The following ACOXL variants were observed in gnomAD, a reference collection of about 807,000 sequenced individuals.
The protein encoded by ACOXL is acyl-CoA oxidase like, also known as acyl-coenzyme A oxidase-like protein.
Under a neutral mutation model 71.9 loss-of-function variants are expected in ACOXL, and 70 were observed. That is an observed-to-expected ratio of 0.97 (90% confidence interval 0.80 to 1.19). The LOEUF (loss-of-function observed/expected upper bound fraction) is 1.19, where lower values mean the gene tolerates loss of function less well. Ranked by LOEUF, ACOXL falls within the 50% of genes most tolerant of loss-of-function variation. The pLI is 0.00. For synonymous variants in ACOXL, 253 were observed against 281.6 expected (o/e 0.90, Z 1.02); for missense variants, 703 against 736.3 (o/e 0.95, Z 0.52).
At chr2:110,821,004 C>T (rs17041555) in intron 9 of ACOXL, among the ~76,000 whole-genome samples, 8,468 of 152,236 alleles carry the variant, frequency 0.056, 388 homozygotes, top group African/African-American at 0.12. Context: ...GATTCACCTT[C>T]GGATCTCCTG....
intron 10 of ACOXL, among the ~76,000 whole-genome samples, chr2:110,843,098 T>C (rs1484863144): frequency 6.6e-6 from 1 of 152,184 alleles, no homozygotes; most frequent in African/African-American, 2.4e-5. Context: ...AAGTGCTCTC[T>C]CCAGAACTTG....
intron 10 of ACOXL, among the ~76,000 whole-genome samples, chr2:110,851,390 G>A (rs948659684): frequency 5.3e-5 from 8 of 152,114 alleles, no homozygotes; most frequent in African/African-American, 1.4e-4. Flanking sequence ...TGGTTTGAGG[G>A]GGTTCTTTAT....
At chr2:111,060,446 C>A (rs2066758324) in intron 16 of ACOXL, among the ~76,000 whole-genome samples, 1 of 152,108 alleles carries the variant, frequency 6.6e-6, no homozygotes, top group Non-Finnish European at 1.5e-5. Context: ...AGCACCCCAC[C>A]CCAGCAGCAA....
chr2:110,969,735 T>C (rs897224759), intron 12 of ACOXL, among the ~76,000 whole-genome samples: 3 of 151,158 alleles, frequency 2.0e-5, no homozygotes, highest in African/African-American at 4.9e-5. Context: ...CACTTGAGCT[T>C]GGGGTGCAGA....
intron 16 of ACOXL, among the ~76,000 whole-genome samples, chr2:111,072,020 G>A (rs1408847001): frequency 6.6e-6 from 1 of 152,190 alleles, no homozygotes; most frequent in Non-Finnish European, 1.5e-5. Context: ...GGGAACTCAG[G>A]AAGGGAAGGA....
At chr2:110,890,221 T>C (rs1297987414) in intron 10 of ACOXL, among the ~76,000 whole-genome samples, 3 of 152,216 alleles carry the variant, frequency 2.0e-5, no homozygotes, top group Admixed American at 1.3e-4. Context: ...TGATGAGAGA[T>C]ATGATTTGCA....
intron 9 of ACOXL, among the ~76,000 whole-genome samples, chr2:110,825,521 A>T (rs1468482724): frequency 2.0e-5 from 3 of 152,084 alleles, no homozygotes; most frequent in African/African-American, 4.8e-5. Context: ...CCAGAAGTGG[A>T]CGTCCTCCGG....
chr2:110,794,226 G>T (rs1338118547), intron 5 of ACOXL, 52 bp downstream of exon 5: 1 of 1,531,714 alleles, frequency 6.5e-7, no homozygotes, highest in Admixed American at 1.7e-5. Context: ...AACCTGGACA[G>T]AAACAGATCT....
rs370937914 is a variant in ACOXL at position 111,041,865 on chromosome 2, G to T, written c.1370-7353G>T. On this transcript the variant is annotated intron_variant, in intron 15 of 17. Transcript: ENST00000439055. ...GGAAAGCAGGTGACCACTGTGCTCTGTCTCCCGACTTTGTGCCTGAGCCAA... is the reference window on the plus strand; with the variant it reads ...GGAAAGCAGGTGACCACTGTGCTCTTTCTCCCGACTTTGTGCCTGAGCCAA... Among the ~76,000 whole-genome samples the T allele has an allele frequency of 1.2e-4, 18 of 152,334 alleles. 2 individuals are homozygous for T. The highest frequency in any genetic ancestry group is 2.0e-4 in the Admixed American group (3 of 15,308).
chr2:110,775,368 G>A (rs1682509000), intron 2 of ACOXL, among the ~76,000 whole-genome samples: 1 of 152,102 alleles, frequency 6.6e-6, no homozygotes, highest in Admixed American at 6.5e-5. Flanking sequence ...AAGCATTTAA[G>A]TAAAAATTTA....
chr2:110,852,903 G>A (rs1692789786), intron 10 of ACOXL, among the ~76,000 whole-genome samples: 2 of 152,182 alleles, frequency 1.3e-5, no homozygotes, highest in South Asian at 4.1e-4. Flanking sequence ...TGTTGTATAA[G>A]GCAATCTCCA....
chr2:110,802,539 A>G (rs1559282482), intron 8 of ACOXL, among the ~76,000 whole-genome samples: 1 of 152,194 alleles, frequency 6.6e-6, no homozygotes, highest in Non-Finnish European at 1.5e-5. Context: ...AGATAAATGT[A>G]GTGGATGCCA....
At chr2:110,838,240 A>G (rs1309943723) in intron 9 of ACOXL, among the ~76,000 whole-genome samples, 1 of 152,148 alleles carries the variant, frequency 6.6e-6, no homozygotes, top group Non-Finnish European at 1.5e-5. Flanking sequence ...GTGCGTGTGC[A>G]TGTCTGAATG....
At chr2:111,069,683 G>C (rs1212206984) in intron 16 of ACOXL, among the ~76,000 whole-genome samples, 1 of 152,108 alleles carries the variant, frequency 6.6e-6, no homozygotes, top group Non-Finnish European at 1.5e-5. Flanking sequence ...GGGGGTGACA[G>C]TAAGTTGAGT....
At chr2:111,025,998 T>C (rs2149725584) in intron 14 of ACOXL, among the ~76,000 whole-genome samples, 1 of 152,334 alleles carries the variant, frequency 6.6e-6, no homozygotes, top group East Asian at 1.9e-4. Context: ...ATTGTTTTAG[T>C]GCCATTTGTT....
intron 1 of ACOXL, among the ~76,000 whole-genome samples, chr2:110,735,229 T>C (rs72828852): frequency 0.043 from 6,561 of 152,332 alleles, 213 homozygotes; most frequent in African/African-American, 0.074. Context: ...TGTTAGAAGA[T>C]GGCGATCTTG....
At chr2:111,064,798 C>T (rs1214603660) in intron 16 of ACOXL, among the ~76,000 whole-genome samples, 6 of 152,084 alleles carry the variant, frequency 3.9e-5, no homozygotes, top group African/African-American at 1.4e-4. Flanking sequence ...ATAAACCTAA[C>T]AAAACATGTA....
At chr2:110,826,222 C>T (rs1485498426) in intron 9 of ACOXL, among the ~76,000 whole-genome samples, 1 of 152,206 alleles carries the variant, frequency 6.6e-6, no homozygotes, top group Non-Finnish European at 1.5e-5. Context: ...AGAATCATCA[C>T]TGAGCGCCCC....
rs568333160 is a variant in ACOXL, at chr2:110,816,214, T to TGATG, written c.753+10844_753+10847dup. On this transcript the variant is annotated intron_variant, in intron 9 of 17. Coordinates refer to ENST00000439055, the MANE Select transcript of ACOXL (RefSeq NM_001142807.4). ...ATGAATGGATGGGTAGATGGATAAA[T>TGATG]GATGGATGGATGGATGGATGGATGG... Among the ~76,000 whole-genome samples the TGATG allele has an allele frequency of 3.2e-3, 478 of 150,962 alleles. 5 individuals carry two copies. The highest frequency in any genetic ancestry group is 1.0e-2 in the African/African-American group (409 of 41,062).
Sources: gnomAD v4.1 joint callset for allele counts (sites outside exome capture counted in the v4.1 genomes callset) on GRCh38, gnomAD v4.1.1 for gene constraint, MANE v1.5 for transcripts, NCBI Gene and HGNC (gene_info 2026-07-23, HGNC 2026-07-21) for gene names.